The following MYO3B variants were observed in gnomAD, a reference collection of about 807,000 sequenced individuals.
The protein encoded by MYO3B is myosin-IIIb.
In MYO3B, 156 loss-of-function variants were observed where a neutral mutation model predicts 174.6. The ratio of observed to expected loss-of-function variants is 0.89; its 90% CI spans 0.78 to 1.02. The LOEUF is 1.02. Among genes scored for constraint, MYO3B ranks in the 50% least tolerant of loss-of-function variants. The probability of loss-of-function intolerance (pLI) is 0.00; values close to 1 mark genes in which losing one functional copy is unlikely to be tolerated. For synonymous variants in MYO3B, 563 were observed against 569.1 expected, an observed-to-expected ratio of 0.99 and a Z score of 0.15; for missense variants, 1,632 against 1,639.4, an observed-to-expected ratio of 1.00 and a Z score of 0.08.
chr2:170,471,074 G>A (rs1472004725), intron 25 of MYO3B, among the ~76,000 whole-genome samples: 2 of 149,220 alleles, frequency 1.3e-5, no homozygotes, highest in East Asian at 2.0e-4. Flanking sequence ...TCTTTGAGAT[G>A]GAGTCTCATT....
chr2:170,466,730 G>T lies in MYO3B; in HGVS notation c.3014+19G>T, dbSNP rs1195751331. On this transcript the variant is annotated intron_variant, in intron 25 of 34. Transcript: ENST00000408978. The stretch of plus-strand genomic sequence containing the variant: ...TGAAAAGGTCAGACCGTCATCTACG[G>T]GAATGCATTCTTATAAATGTAGCTC... 1 of 1,610,934 alleles carries T rather than the reference G, an allele frequency of 6.2e-7. No homozygotes were observed. Among genetic ancestry groups the T allele is most frequent in the African/African-American group, 1.3e-5 (1 of 74,866 alleles).
chr2:170,276,723 CT>C (rs1298947388), intron 7 of MYO3B, among the ~76,000 whole-genome samples: 3 of 152,120 alleles, frequency 2.0e-5, no homozygotes, highest in Admixed American at 6.5e-5. Context: ...AGTTACCTTT[CT>C]TGTAAATTTA....
Position 170,241,615 on chromosome 2 carries a change from A to G in MYO3B, c.749+5479A>G, listed in dbSNP as rs915105305. Among the ~76,000 whole-genome samples, 3 of 152,304 alleles carry G rather than the reference A, an allele frequency of 2.0e-5. No homozygotes were observed. In the East Asian group the frequency reaches 5.8e-4, roughly 29 times the overall value. On this transcript the variant is annotated intron_variant, in intron 7 of 34. Coordinates refer to ENST00000408978, the MANE Select transcript of MYO3B (RefSeq NM_138995.5). ...TAAAGGTGAAACGGAGAGAGTTTGG[A>G]TAACAAAAAGGAGAAATCAGATTTT...
At chr2:170,627,341 A>G (rs200630195) in intron 32 of MYO3B, among the ~76,000 whole-genome samples, 3,561 of 151,714 alleles carry the variant, frequency 0.023, 168 homozygotes, top group East Asian at 0.14. Flanking sequence ...AGTTGATAGA[A>G]TCGGCTACTG....
At chr2:170,441,929 G>A (rs1175438801) in intron 22 of MYO3B, among the ~76,000 whole-genome samples, 1 of 152,114 alleles carries the variant, frequency 6.6e-6, no homozygotes. Flanking sequence ...ATCTCATCCT[G>A]TGACTAAGAA....
At chr2:170,215,685 T>A (rs546955435) in intron 5 of MYO3B, among the ~76,000 whole-genome samples, 9 of 152,358 alleles carry the variant, frequency 5.9e-5, no homozygotes, top group African/African-American at 2.2e-4. Context: ...GACGTACTAG[T>A]CTATTTTTAC....
chr2:170,265,112 G>T (rs2093373112), intron 7 of MYO3B, among the ~76,000 whole-genome samples: 1 of 152,160 alleles, frequency 6.6e-6, no homozygotes, highest in Admixed American at 6.6e-5. Context: ...CTTTCATAAT[G>T]GCACCCCATC....
intron 16 of MYO3B, among the ~76,000 whole-genome samples, chr2:170,399,795 A>G (rs2094463567): frequency 6.6e-6 from 1 of 152,232 alleles, no homozygotes; most frequent in Non-Finnish European, 1.5e-5. Flanking sequence ...AAGATTAGTT[A>G]TCTCTTAATA....
chr2:170,463,356 C>A lies in MYO3B; in HGVS notation c.2731-12C>A. 1 of 1,612,938 alleles carries A rather than the reference C, an allele frequency of 6.2e-7. No individual in the cohort carries two copies. Among genetic ancestry groups the A allele is most frequent in the Non-Finnish European group, 8.5e-7 (1 of 1,179,746 alleles). On this transcript the variant is annotated splice_polypyrimidine_tract_variant and intron_variant, in intron 23 of 34. Coordinates refer to ENST00000408978, the MANE Select transcript of MYO3B (RefSeq NM_138995.5). ...AGATCCTCAAACCACTTGCCTCCAC[C>A]TATGCTTCCAGGTGGACACTCTGGA...
Position 170,430,232 on chromosome 2 carries a change from A to G in MYO3B, c.2651-13735A>G, listed in dbSNP as rs534923534. Among the ~76,000 whole-genome samples, 4 of 152,152 alleles carry G rather than the reference A, an allele frequency of 2.6e-5. No individual in the cohort carries two copies. In the South Asian group the frequency reaches 8.3e-4, roughly 32 times the overall value. On this transcript the variant is annotated intron_variant, in intron 22 of 34. Transcript: ENST00000408978. ...TAGAAGGCCTTTACTGTATTATTTC[A>G]AAGTATGAATAACATGAGCATCATT...
chr2:170,520,119 G>A (rs189372202), intron 30 of MYO3B: 5 of 152,184 alleles, frequency 3.3e-5, no homozygotes, highest in African/African-American at 1.2e-4. Flanking sequence ...TCCTCCCCCT[G>A]GATATTTAGC....
chr2:170,592,715 C>G (rs1693891915), intron 32 of MYO3B, among the ~76,000 whole-genome samples: 1 of 152,056 alleles, frequency 6.6e-6, no homozygotes, highest in South Asian at 2.1e-4. Flanking sequence ...GTGAAGTATC[C>G]TTGGTGCCCA....
intron 21 of MYO3B, 58 bp from the exon 22 acceptor site, chr2:170,407,657 T>C (rs896930817): frequency 1.2e-6 from 2 of 1,605,766 alleles, no homozygotes; most frequent in African/African-American, 2.7e-5. Context: ...AAGTTGCCAG[T>C]GTCACCAATG....
At position 170,387,181 on chromosome 2, in the gene MYO3B, G is replaced by T; in HGVS notation, c.1450G>T (p.Ala484Ser). Residue 484 changes from alanine to serine, a missense_variant, in exon 14 of 35, where the codon GCC becomes TCC. Physicochemically the swap from Ala to Ser is moderately conservative, Grantham distance 99 (BLOSUM62 1). Transcript: ENST00000408978. ...LVEAFGNSCT[A>S]INDNSSRFGK... ...GGAAGCCTTTGGGAACTCATGCACT[G>T]CCATCAATGACAACTCGAGCCGTTT... 1 of 1,614,122 alleles carries T rather than the reference G, an allele frequency of 6.2e-7. No individual in the cohort carries two copies. The highest frequency in any genetic ancestry group is 8.5e-7 in the Non-Finnish European group (1 of 1,179,996).
intron 23 of MYO3B, among the ~76,000 whole-genome samples, chr2:170,459,169 T>G (rs1396027347): frequency 6.6e-6 from 1 of 152,228 alleles, no homozygotes; most frequent in Non-Finnish European, 1.5e-5. Context: ...GAACAAAGCT[T>G]CCACAGCGTG....
chr2:170,584,027 T>C (rs1032841809), intron 32 of MYO3B, among the ~76,000 whole-genome samples: 4 of 152,264 alleles, frequency 2.6e-5, no homozygotes, highest in Non-Finnish European at 4.4e-5. Flanking sequence ...TTTCCTTCTG[T>C]CTATAGTTAC....
chr2:170,433,952 C>T (rs2094730827), intron 22 of MYO3B, among the ~76,000 whole-genome samples: 1 of 152,122 alleles, frequency 6.6e-6, no homozygotes, highest in Admixed American at 6.6e-5. Flanking sequence ...TCCTGCTCTG[C>T]CCATTTATTG....
chr2:170,650,609 A>G (rs1698927661), intron 32 of MYO3B, among the ~76,000 whole-genome samples: 1 of 151,070 alleles, frequency 6.6e-6, no homozygotes. Flanking sequence ...CCTGATTCAG[A>G]TATAGAGCCA....
chr2:170,497,155 C>G (rs1575074204), intron 25 of MYO3B, among the ~76,000 whole-genome samples: 1 of 152,166 alleles, frequency 6.6e-6, no homozygotes, highest in African/African-American at 2.4e-5. Context: ...TTCCTATACC[C>G]AGAGAAAAGG....
Sources: allele counts gnomAD v4.1 joint callset (sites outside exome capture counted in the v4.1 genomes callset), GRCh38; gene constraint gnomAD v4.1.1; transcripts MANE v1.5; gene names NCBI Gene and HGNC (gene_info 2026-07-23, HGNC 2026-07-21).